MED27: variants seen among roughly 807,000 people sequenced by gnomAD.
MED27 encodes the protein mediator complex subunit 27.
A neutral mutation model predicts 38.2 loss-of-function variants in MED27; 30 were observed. The ratio of observed to expected loss-of-function variants is 0.79; its 90% CI spans 0.59 to 1.07. MED27 has a LOEUF of 1.07. Ranked by LOEUF, MED27 falls within the 50% of genes least tolerant of loss-of-function variation. MED27 has a pLI of 0.00. For missense variants in MED27, 289 were observed against 397.5 expected, an observed-to-expected ratio of 0.73 and a Z score of 2.32; for synonymous variants, 122 against 153.5, an observed-to-expected ratio of 0.79 and a Z score of 1.52.
Position 131,894,006 on chromosome 9 carries a change from T to C in MED27, c.574-14A>G, listed in dbSNP as rs1222305102. ...TCCCAAGGTCACCTGCCAAAACACATGTAAGCTGACACTTGAACACGCAAA... is the reference window on the plus strand; with the variant it reads ...TCCCAAGGTCACCTGCCAAAACACACGTAAGCTGACACTTGAACACGCAAA... On this transcript the variant is annotated splice_polypyrimidine_tract_variant and intron_variant, in intron 4 of 7. Transcript: ENST00000292035. 3 of 1,606,988 alleles carry C rather than the reference T, an allele frequency of 1.9e-6. No individual in the cohort carries two copies. The highest frequency in any genetic ancestry group is 1.3e-5 in the African/African-American group (1 of 74,740).
intron 2 of MED27, among the ~76,000 whole-genome samples, chr9:132,063,339 C>T (rs1269173385): frequency 6.6e-6 from 1 of 152,206 alleles, no homozygotes; most frequent in South Asian, 2.1e-4. Context: ...CACTACGTGA[C>T]TGAGAAGGAC....
chr9:131,884,194 T>TA, intron 5 of MED27, 95 bp from the exon 6 acceptor site: 1 of 917,472 alleles, frequency 1.1e-6, no homozygotes, highest in South Asian at 2.3e-5. Flanking sequence ...TTCTTAAACT[T>TA]GAAAAAAAAA....
chr9:132,069,640 G>C (rs1469004942), intron 2 of MED27, among the ~76,000 whole-genome samples: 2 of 152,220 alleles, frequency 1.3e-5, no homozygotes. Flanking sequence ...CTGGACTAGA[G>C]CTGAAGAGGT....
intron 2 of MED27, among the ~76,000 whole-genome samples, chr9:132,045,043 A>G (rs1833300896): frequency 6.6e-6 from 1 of 152,198 alleles, no homozygotes; most frequent in African/African-American, 2.4e-5. Context: ...GAAAAAGACC[A>G]ACAGATTTGG....
At chr9:132,073,707 C>G in intron 2 of MED27, 1 of 1,518,522 alleles carries the variant, frequency 6.6e-7, no homozygotes, top group Non-Finnish European at 8.8e-7. Context: ...TTCAGACTTT[C>G]CAATGGAATA....
At chr9:131,935,142 A>C (rs2131574191) in intron 4 of MED27, among the ~76,000 whole-genome samples, 1 of 152,358 alleles carries the variant, frequency 6.6e-6, no homozygotes, top group Admixed American at 6.5e-5. Flanking sequence ...AAAAATAAAT[A>C]AGACTTAGTA....
In MED27 at chr9:131,872,769, T is replaced by G. The variant is rs1838860215; in HGVS notation, c.724-9629A>C. Among the ~76,000 whole-genome samples the G allele has an allele frequency of 6.6e-6, 1 of 152,214 alleles. No homozygotes were observed. Among genetic ancestry groups the G allele is most frequent in the Non-Finnish European group, 1.5e-5 (1 of 68,034 alleles). ...TTATCTCCTGGCAGCATGTGCACAC[T>G]GTGCCCTGAAGTTCCTGCCCCAATC... On this transcript the variant is annotated intron_variant, in intron 6 of 7. Transcript: ENST00000292035. The surrounding 1 kb of genome is among the most constrained non-coding windows in gnomAD (Gnocchi z 5.6).
chr9:131,992,803 C>T (rs1832005396), intron 3 of MED27, among the ~76,000 whole-genome samples: 2 of 152,180 alleles, frequency 1.3e-5, no homozygotes, highest in Admixed American at 1.3e-4. Flanking sequence ...GCTGGAATCC[C>T]TGAGAAACTC....
rs1309016766 is a variant in MED27, at chr9:131,919,811, C to T, written c.573+19570G>A. 8.5e-5 allele frequency among the ~76,000 whole-genome samples: 12 copies of T among 141,694 alleles called. No homozygotes were observed. In the South Asian group the frequency reaches 1.1e-3, roughly 13 times the overall value. The allele number at this position is 141,694 out of a possible 152,430, so 93.0% of individuals were successfully genotyped here. A position where few individuals can be genotyped will look rare whatever the true frequency, so the allele number is the denominator to read the frequency against. ...TAAGAATAATGCATAATTCTTCTTC[C>T]TTTTTTTTTTTTTTTGAGATAGGGT... On this transcript the variant is annotated intron_variant, in intron 4 of 7. Coordinates refer to ENST00000292035, the MANE Select transcript of MED27 (RefSeq NM_004269.4).
At chr9:131,971,023 G>A (rs1444166503) in intron 3 of MED27, among the ~76,000 whole-genome samples, 3 of 152,266 alleles carry the variant, frequency 2.0e-5, no homozygotes, top group Non-Finnish European at 2.9e-5. Flanking sequence ...ACAAGTGTTC[G>A]GGGGTAGAAT....
chr9:132,068,591 G>T (rs1024452359), intron 2 of MED27, among the ~76,000 whole-genome samples: 45 of 152,122 alleles, frequency 3.0e-4, no homozygotes, highest in African/African-American at 1.1e-3. Context: ...GTGAAGAGGG[G>T]AAATCAATAG....
intron 4 of MED27, among the ~76,000 whole-genome samples, chr9:131,899,609 C>T (rs545798193): frequency 4.5e-4 from 69 of 152,262 alleles, no homozygotes; most frequent in African/African-American, 1.5e-3. Flanking sequence ...CCTAGGGGTG[C>T]GGTGGACAGC....
chr9:131,911,729 G>A (rs1270180265), intron 4 of MED27, among the ~76,000 whole-genome samples: 1 of 152,218 alleles, frequency 6.6e-6, no homozygotes, highest in Non-Finnish European at 1.5e-5. Context: ...TAGCAAAGAT[G>A]CAGAGTACCT....
intron 4 of MED27, among the ~76,000 whole-genome samples, chr9:131,914,651 A>G (rs1465201712): frequency 6.6e-6 from 1 of 152,208 alleles, no homozygotes; most frequent in South Asian, 2.1e-4. Flanking sequence ...AGGGGCTTAG[A>G]GATCATGGTA....
chr9:131,913,792 C>CCCCA lies in MED27; in HGVS notation c.574-19801_574-19800insTGGG, dbSNP rs1830233174. On this transcript the variant is annotated intron_variant, in intron 4 of 7. Coordinates refer to ENST00000292035, the MANE Select transcript of MED27 (RefSeq NM_004269.4). The surrounding 1 kb of genome is among the most constrained non-coding windows in gnomAD (Gnocchi z 4.5). ...TTACCCCATCAATTCTGGGGCGAAA[C>CCCCA]TGACACTTCTAACAAGCACCGAGGG... 1.3e-5 allele frequency among the ~76,000 whole-genome samples: 2 copies of CCCCA among 152,208 alleles called. No individual in the cohort carries two copies. The highest frequency in any genetic ancestry group is 4.8e-5 in the African/African-American group (2 of 41,442).
Position 132,003,169 on chromosome 9 carries a change from A to G in MED27, c.479+11168T>C, listed in dbSNP as rs1245690477. Reference sequence around the variant, plus strand: ...CCCATTTCTTTTCTTCCTTTGCCCAATAATGGCCAGTGATGTAATAACCAC... The same window carrying G: ...CCCATTTCTTTTCTTCCTTTGCCCAGTAATGGCCAGTGATGTAATAACCAC... On this transcript the variant is annotated intron_variant, in intron 3 of 7. Coordinates refer to ENST00000292035, the MANE Select transcript of MED27 (RefSeq NM_004269.4). This position sits in a 1 kb window ranked among gnomAD's most constrained non-coding sequence, Gnocchi z 4.2. Among the ~76,000 whole-genome samples the G allele has an allele frequency of 2.6e-5, 4 of 152,192 alleles. No individual in the cohort carries two copies. Among genetic ancestry groups the G allele is most frequent in the Non-Finnish European group, 1.5e-5 (1 of 68,042 alleles).
intron 3 of MED27, among the ~76,000 whole-genome samples, chr9:132,001,571 T>C (rs1832235253): frequency 6.6e-6 from 1 of 152,198 alleles, no homozygotes; most frequent in Non-Finnish European, 1.5e-5. Context: ...ATCACCAGCC[T>C]ATCCTTTTCT....
At chr9:131,887,133 A>T (rs953189405) in intron 5 of MED27, among the ~76,000 whole-genome samples, 11 of 152,250 alleles carry the variant, frequency 7.2e-5, no homozygotes, top group Admixed American at 2.6e-4. Context: ...TACATTAAAA[A>T]GTTATAGTTT....
At chr9:131,920,052 C>T (rs1299433382) in intron 4 of MED27, among the ~76,000 whole-genome samples, 1 of 152,110 alleles carries the variant, frequency 6.6e-6, no homozygotes, top group Non-Finnish European at 1.5e-5. Flanking sequence ...CTCAAGCAAT[C>T]CACCTGCCTC....
Sources: allele counts gnomAD v4.1 joint callset (sites outside exome capture counted in the v4.1 genomes callset), GRCh38; gene constraint gnomAD v4.1.1; non-coding constraint Gnocchi (gnomAD v3.1); transcripts MANE v1.5; gene names NCBI Gene and HGNC (gene_info 2026-07-23, HGNC 2026-07-21).